Variants in PPP3CA observed in about 807,000 individuals in gnomAD.
PPP3CA encodes the protein protein phosphatase 3 catalytic subunit alpha, also known as CAM-PRP catalytic subunit.
PPP3CA carries 14 observed loss-of-function variants against 66.5 expected under a neutral mutation model. The ratio of observed to expected loss-of-function variants is 0.21; its 90% CI spans 0.14 to 0.33. The LOEUF (loss-of-function observed/expected upper bound fraction) is 0.33, where lower values mean the gene tolerates loss of function less well. PPP3CA is among the 10% of genes least tolerant of loss of function. PPP3CA has a pLI of 1.00. For missense variants in PPP3CA, 317 were observed against 639.5 expected, an observed-to-expected ratio of 0.50 and a Z score of 5.44; for synonymous variants, 232 against 226.2, an observed-to-expected ratio of 1.03 and a Z score of -0.23.
chr4:101,066,317 C>T (rs954646350), intron 8 of PPP3CA, among the ~76,000 whole-genome samples: 6 of 152,102 alleles, frequency 3.9e-5, no homozygotes, highest in African/African-American at 1.4e-4. Context: ...TGGAATCTGT[C>T]ACTAATTATT....
intron 8 of PPP3CA, among the ~76,000 whole-genome samples, chr4:101,074,327 GAATTT>G (rs200623332): frequency 0.024 from 3,659 of 152,192 alleles, 153 homozygotes; most frequent in African/African-American, 0.082. Context: ...AGCTGATTCT[GAATTT>G]GGCTTGTGAA....
chr4:101,120,772 C>T (rs1722001361), intron 2 of PPP3CA, among the ~76,000 whole-genome samples: 1 of 151,948 alleles, frequency 6.6e-6, no homozygotes, highest in South Asian at 2.1e-4. Context: ...TTATATGCCA[C>T]AGTGAGATGA....
intron 8 of PPP3CA, among the ~76,000 whole-genome samples, chr4:101,075,413 T>C (rs902347750): frequency 6.6e-6 from 1 of 152,234 alleles, no homozygotes; most frequent in African/African-American, 2.4e-5. Context: ...GTCAGTAGTG[T>C]GTACTGGAAC....
intron 1 of PPP3CA, among the ~76,000 whole-genome samples, chr4:101,244,265 A>C (rs781229448): frequency 5.3e-5 from 8 of 152,174 alleles, no homozygotes; most frequent in Non-Finnish European, 8.8e-5. Context: ...GCATGTCTTT[A>C]TTCTCTACCA....
intron 1 of PPP3CA, among the ~76,000 whole-genome samples, chr4:101,335,338 C>G (rs985706401): frequency 6.6e-6 from 1 of 151,740 alleles, no homozygotes; most frequent in African/African-American, 2.4e-5. Context: ...AGGTTTGGCT[C>G]TGGTCAAGTG....
At chr4:101,136,214 C>T (rs1315404177) in intron 2 of PPP3CA, among the ~76,000 whole-genome samples, 1 of 152,162 alleles carries the variant, frequency 6.6e-6, no homozygotes, top group African/African-American at 2.4e-5. Flanking sequence ...TCATTTTTCA[C>T]ATCAGTATCA....
Position 101,247,631 on chromosome 4 carries a change from C to G in PPP3CA, c.59-51515G>C, listed in dbSNP as rs548000721. 5.9e-5 allele frequency among the ~76,000 whole-genome samples: 9 copies of G among 152,220 alleles called. No individual in the cohort carries two copies. In the East Asian group the frequency reaches 1.7e-3, roughly 29 times the overall value. The stretch of plus-strand genomic sequence containing the variant: ...TGCAGCTTATTATGTTTTCCCTATA[C>G]ATATTTTTTCATTCAGTTTCTGATT... On this transcript the variant is annotated intron_variant, in intron 1 of 13. Transcript: ENST00000394854.
At chr4:101,050,432 A>C (rs1258435078) in intron 10 of PPP3CA, among the ~76,000 whole-genome samples, 3 of 152,138 alleles carry the variant, frequency 2.0e-5, no homozygotes, top group Non-Finnish European at 4.4e-5. Context: ...CCTTGGTCTA[A>C]GTCCCAGCAC....
At chr4:101,139,361 A>C (rs1012007603) in intron 2 of PPP3CA, among the ~76,000 whole-genome samples, 1 of 151,960 alleles carries the variant, frequency 6.6e-6, no homozygotes, top group Admixed American at 6.6e-5. Context: ...AAAAAAAAAA[A>C]AAAAAAGGAC....
intron 10 of PPP3CA, among the ~76,000 whole-genome samples, chr4:101,049,823 G>C (rs772831562): frequency 9.2e-5 from 14 of 152,020 alleles, no homozygotes; most frequent in Non-Finnish European, 1.8e-4. Flanking sequence ...TAGATAAAAA[G>C]TTAATTTGAG....
intron 1 of PPP3CA, among the ~76,000 whole-genome samples, chr4:101,249,431 G>A (rs1485095396): frequency 1.3e-5 from 2 of 151,808 alleles, no homozygotes; most frequent in African/African-American, 2.4e-5. Flanking sequence ...AAATTACCTT[G>A]GAACAAGATT....
intron 2 of PPP3CA, among the ~76,000 whole-genome samples, chr4:101,125,252 G>A (rs577743554): frequency 1.3e-5 from 2 of 152,268 alleles, no homozygotes; most frequent in Admixed American, 6.5e-5. Context: ...GCCTTCAGGC[G>A]CAAATGGATC....
intron 1 of PPP3CA, among the ~76,000 whole-genome samples, chr4:101,308,721 T>C (rs1728625297): frequency 6.6e-6 from 1 of 152,350 alleles, no homozygotes; most frequent in African/African-American, 2.4e-5. Context: ...CCACCACACC[T>C]GGCCCATAAT....
At chr4:101,060,582 TCA>T (rs1455960900) in intron 10 of PPP3CA, among the ~76,000 whole-genome samples, 1 of 152,088 alleles carries the variant, frequency 6.6e-6, no homozygotes, top group Non-Finnish European at 1.5e-5. Flanking sequence ...AAAAAACTCC[TCA>T]CAGTTTATTC....
chr4:101,258,974 A>G (rs1326021040), intron 1 of PPP3CA, among the ~76,000 whole-genome samples: 1 of 152,148 alleles, frequency 6.6e-6, no homozygotes, highest in Non-Finnish European at 1.5e-5. Flanking sequence ...CTGAGTTGTC[A>G]GCTGACTCCA....
chr4:101,233,070 C>T (rs1726013740), intron 1 of PPP3CA, among the ~76,000 whole-genome samples: 1 of 151,672 alleles, frequency 6.6e-6, no homozygotes, highest in Admixed American at 6.6e-5. Context: ...AAAGGAAAAG[C>T]CACCTAACTC....
chr4:101,209,044 A>T (rs928511308), intron 1 of PPP3CA, among the ~76,000 whole-genome samples: 2 of 152,172 alleles, frequency 1.3e-5, no homozygotes, highest in Admixed American at 1.3e-4. Context: ...AAACTTCTAC[A>T]ATTGCTTTTC....
rs1578198102 is a variant in PPP3CA at position 101,331,175 on chromosome 4, G to A, written c.58+15564C>T. ...GGCCTCATCTTGCCCTGAAGTTAGT[G>A]TTATGGTGGTAAAAGCCCAGGATCT... On this transcript the variant is annotated intron_variant, in intron 1 of 13. Transcript: ENST00000394854. Among the ~76,000 whole-genome samples, 5 of 152,220 alleles carry A rather than the reference G, an allele frequency of 3.3e-5. 1 individual carries two copies. In the South Asian group the frequency reaches 1.0e-3, roughly 32 times the overall value.
At chr4:101,143,728 C>T (rs1722880588) in intron 2 of PPP3CA, among the ~76,000 whole-genome samples, 1 of 152,148 alleles carries the variant, frequency 6.6e-6, no homozygotes, top group South Asian at 2.1e-4. Flanking sequence ...CATCCACTTG[C>T]ATGATTTTAC....
Sources: allele counts gnomAD v4.1 joint callset (sites outside exome capture counted in the v4.1 genomes callset), GRCh38; gene constraint gnomAD v4.1.1; transcripts MANE v1.5; gene names NCBI Gene and HGNC (gene_info 2026-07-23, HGNC 2026-07-21).